Variants in FAM83A observed in about 807,000 individuals in gnomAD.
The protein encoded by FAM83A is protein FAM83A.
FAM83A carries 21 observed loss-of-function variants against 24.4 expected under a neutral mutation model. The ratio of observed to expected loss-of-function variants is 0.86; its 90% CI spans 0.61 to 1.24. The LOEUF is 1.24. Among genes scored for constraint, FAM83A ranks in the 50% most tolerant of loss-of-function variants. The pLI, the probability that FAM83A is intolerant of heterozygous loss-of-function variation, is 0.00. For synonymous variants in FAM83A, 270 were observed against 252.4 expected, an observed-to-expected ratio of 1.07 and a Z score of -0.66; for missense variants, 617 against 579.8, an observed-to-expected ratio of 1.06 and a Z score of -0.66.
intron 1 of FAM83A, among the ~76,000 whole-genome samples, chr8:123,185,104 C>T (rs754768105): frequency 1.3e-5 from 2 of 152,154 alleles, no homozygotes; most frequent in African/African-American, 2.4e-5. Flanking sequence ...TGTGGCAGGG[C>T]GGCATTTGAG....
intron 3 of FAM83A, among the ~76,000 whole-genome samples, chr8:123,196,811 G>A (rs1332771315): frequency 1.3e-5 from 2 of 152,222 alleles, no homozygotes; most frequent in Non-Finnish European, 2.9e-5. Flanking sequence ...CACAGCCAAG[G>A]GCAGGACCAG....
intron 3 of FAM83A, among the ~76,000 whole-genome samples, chr8:123,198,582 T>A (rs1824238216): frequency 6.6e-6 from 1 of 152,152 alleles, no homozygotes; most frequent in African/African-American, 2.4e-5. Context: ...CAAGATAAAC[T>A]TCCCTTTAAC....
At chr8:123,182,277 C>T (rs1292473675), upstream of FAM83A, 3 of 376,750 alleles carry the variant, frequency 8.0e-6, no homozygotes, top group African/African-American at 6.3e-5. Context: ...AACAGCTCTC[C>T]CTGGCCCGTG....
At position 123,209,150 on chromosome 8, in the gene FAM83A, TCTC is replaced by T. The variant is rs918802643; in HGVS notation, c.*1465_*1467del. ...GGAGCAGGTGCCAACTCCACATCCT[TCTC>T]CTGTTTCTAGGCCCTCTCCTCCCTT... On this transcript the variant is annotated 3_prime_UTR_variant, in exon 4 of 4. Transcript: ENST00000690554. The surrounding 1 kb of genome is among the most constrained non-coding windows in gnomAD (Gnocchi z 4.7). The T allele has an allele frequency of 2.8e-6, 3 of 1,081,898 alleles. No individual in the cohort carries two copies. Among genetic ancestry groups the T allele is most frequent in the Middle Eastern group, 8.5e-4 (2 of 2,358 alleles). The allele number at this position is 1,081,898 out of a possible 1,614,324, so 67.0% of individuals were successfully genotyped here.
At chr8:123,207,094 T>G (rs1586791174) in intron 3 of FAM83A, 63 bp from the exon 4 acceptor site, 2 of 161,562 alleles carry the variant, frequency 1.2e-5, no homozygotes, top group African/African-American at 3.5e-5. Flanking sequence ...CCCCTCCTCC[T>G]CCACTTCCCC....
intron 1 of FAM83A, among the ~76,000 whole-genome samples, chr8:123,185,105 G>A (rs1273481740): frequency 2.4e-4 from 37 of 152,284 alleles, no homozygotes; most frequent in Middle Eastern, 3.4e-3. Flanking sequence ...GTGGCAGGGC[G>A]GCATTTGAGG....
At chr8:123,185,895 A>G (rs1823775587) in intron 1 of FAM83A, among the ~76,000 whole-genome samples, 1 of 152,190 alleles carries the variant, frequency 6.6e-6, no homozygotes, top group East Asian at 1.9e-4. Context: ...GATTCAAGCG[A>G]TTCTCCTGCC....
chr8:123,181,247 G>A (rs114810962), upstream of FAM83A, among the ~76,000 whole-genome samples: 807 of 152,252 alleles, frequency 5.3e-3, 5 homozygotes, highest in African/African-American at 0.018. Flanking sequence ...GCACCCAGCC[G>A]CGCCACACTT....
chr8:123,209,177 T>A lies in FAM83A; in HGVS notation c.*1489T>A. 2 of 1,128,544 alleles carry A rather than the reference T, an allele frequency of 1.8e-6. No homozygotes were observed. Among genetic ancestry groups the A allele is most frequent in the Non-Finnish European group, 2.2e-6 (2 of 925,146 alleles). The allele number at this position is 1,128,544 out of a possible 1,614,324, so 69.9% of individuals were successfully genotyped here. A position where few individuals can be genotyped will look rare whatever the true frequency, so the allele number is the denominator to read the frequency against. On this transcript the variant is annotated 3_prime_UTR_variant, in exon 4 of 4. Transcript: ENST00000690554. This position sits in a 1 kb window ranked among gnomAD's most constrained non-coding sequence, Gnocchi z 4.7. ...TCCTGTTTCTAGGCCCTCTCCTCCC[T>A]TGTCGGTTTTTGGCGGGGAAGCTCA...
intron 3 of FAM83A, chr8:123,202,237 A>G (rs1444614793): frequency 6.6e-6 from 1 of 151,994 alleles, no homozygotes; most frequent in East Asian, 1.9e-4. Flanking sequence ...GGATCCCCCC[A>G]CTCCTCCACT....
intron 3 of FAM83A, among the ~76,000 whole-genome samples, chr8:123,194,354 A>G (rs904053171): frequency 3.9e-5 from 6 of 152,220 alleles, no homozygotes; most frequent in African/African-American, 1.4e-4. Flanking sequence ...GTAGAGAGGC[A>G]TTTCCAGGTG....
intron 2 of FAM83A, among the ~76,000 whole-genome samples, chr8:123,193,423 C>T (rs1385319731): frequency 6.6e-6 from 1 of 152,168 alleles, no homozygotes. Context: ...CTTTTATTTG[C>T]TGCCTTATTT....
exon 3 of FAM83A, chr8:123,194,101 G>A: frequency 1.2e-6 from 2 of 1,614,206 alleles, no homozygotes; most frequent in Non-Finnish European, 1.7e-6. Context: ...AAATCCGGGA[G>A]AAGTTCATCA....
chr8:123,192,161 C>T (rs969271112), intron 2 of FAM83A, among the ~76,000 whole-genome samples, 191 bp downstream of exon 2: 1 of 152,178 alleles, frequency 6.6e-6, no homozygotes, highest in Non-Finnish European at 1.5e-5. Flanking sequence ...GAGAAATACA[C>T]GGCCTCTAAG....
intron 3 of FAM83A, among the ~76,000 whole-genome samples, chr8:123,197,171 C>T (rs1173973628): frequency 2.0e-5 from 3 of 152,180 alleles, no homozygotes; most frequent in Non-Finnish European, 2.9e-5. Context: ...TTCACTCAGG[C>T]CTAGGGTGGG....
chr8:123,187,489 C>T (rs1823843350), intron 1 of FAM83A, among the ~76,000 whole-genome samples: 1 of 152,192 alleles, frequency 6.6e-6, no homozygotes, highest in South Asian at 2.1e-4. Flanking sequence ...CCGCCCTGCT[C>T]ACCACATTTT....
At chr8:123,202,142 T>G (rs1291321467) in intron 3 of FAM83A, 1 of 152,334 alleles carries the variant, frequency 6.6e-6, no homozygotes, top group East Asian at 1.9e-4. Context: ...CAAACCACTT[T>G]AAAATCCTTC....
rs563605443 is a variant in FAM83A at position 123,191,152 on chromosome 8, CAGA to C, written c.481-645_481-643del. ...TAAAGTCAGATTGGGATGCTGTTGA[CAGA>C]AGAAGGGAGAATGAATGCTTGGCAG... On this transcript the variant is annotated intron_variant, in intron 1 of 3. Transcript: ENST00000690554. Among the ~76,000 whole-genome samples, 75 of 152,268 alleles carry C rather than the reference CAGA, an allele frequency of 4.9e-4. No homozygotes were observed. The South Asian group carries it at 0.013, about 27-fold the overall frequency.
chr8:123,200,932 C>A (rs987713072), intron 3 of FAM83A, among the ~76,000 whole-genome samples: 3 of 144,368 alleles, frequency 2.1e-5, no homozygotes, highest in African/African-American at 7.8e-5. Flanking sequence ...GGTGACAGAG[C>A]AAGACTCTGT....
Sources: gnomAD v4.1 joint callset for allele counts (sites outside exome capture counted in the v4.1 genomes callset) on GRCh38, gnomAD v4.1.1 for gene constraint, Gnocchi (gnomAD v3.1) non-coding constraint, MANE v1.5 for transcripts, NCBI Gene and HGNC (gene_info 2026-07-23, HGNC 2026-07-21) for gene names.